The following ERMP1 variants were observed in gnomAD, a reference collection of about 807,000 sequenced individuals.
ERMP1 encodes the protein endoplasmic reticulum metallopeptidase 1, also known as Felix-ina.
In ERMP1, 86 loss-of-function variants were observed where a neutral mutation model predicts 92.0. The ratio of observed to expected loss-of-function variants is 0.93; its 90% CI spans 0.79 to 1.12. ERMP1 has a LOEUF of 1.12. Ranked by LOEUF, ERMP1 falls within the 50% of genes most tolerant of loss-of-function variation. The pLI is 0.00. For missense variants in ERMP1, 1,342 were observed against 1,116.3 expected, an observed-to-expected ratio of 1.20 and a Z score of -2.88; for synonymous variants, 530 against 412.8, an observed-to-expected ratio of 1.28 and a Z score of -3.44.
Position 5,787,522 on chromosome 9 carries a change from C to T in ERMP1, c.2458G>A (p.Gly820Ser). ...CCTCCTTTACTTGTGACTGGGGTGC[C>T]ATTGCCAAGAGACCACTGAGAAAGT... ...STLSQWSLGN[G>S]TPVTSKGGDY... Residue 820 changes from glycine (G) to serine (S), a missense_variant, in exon 14 of 15, where the codon GGC (glycine) becomes AGC (serine). Physicochemically the swap from Gly to Ser is moderately conservative, Grantham distance 56 (BLOSUM62 0). Transcript: ENST00000339450. 1 of 1,614,026 alleles carries T rather than the reference C, an allele frequency of 6.2e-7. No homozygotes were observed.
intron 6 of ERMP1, among the ~76,000 whole-genome samples, chr9:5,849,655 C>T (rs565261498): frequency 6.6e-6 from 1 of 152,174 alleles, no homozygotes; most frequent in Non-Finnish European, 1.5e-5. Flanking sequence ...AATAAGTTGT[C>T]CTGTGATTCT....
At chr9:5,820,286 G>C (rs982016265) in intron 4 of ERMP1, among the ~76,000 whole-genome samples, 10 of 152,134 alleles carry the variant, frequency 6.6e-5, no homozygotes, top group Admixed American at 2.0e-4. Flanking sequence ...GCGACAGAGC[G>C]AGACTCCACC....
chr9:5,811,302 A>G lies in ERMP1; in HGVS notation c.1136T>C (p.Leu379Pro). 6.2e-7 allele frequency: 1 copy of G among 1,613,356 alleles called. No individual in the cohort carries two copies. Among genetic ancestry groups the G allele is most frequent in the Non-Finnish European group, 8.5e-7 (1 of 1,179,598 alleles). The change falls in exon 7 of 15, where the codon CTT (leucine) becomes CCT (proline). Residue 379 changes from leucine (L) to proline (P), a missense_variant. Physicochemically the swap from Leu to Pro is moderately conservative, Grantham distance 98. Coordinates refer to ENST00000339450, the MANE Select transcript of ERMP1 (RefSeq NM_024896.3). ...CATATCAGATGTAGCTAGATGCTTA[A>G]GAACTGCTAAAATGTTGTCACCTAT... is the stretch of plus-strand genomic sequence containing the variant. ...QRAGDNILAV[L>P]KHLATSDMLA...
chr9:5,809,962 A>G (rs751766542), intron 8 of ERMP1, 49 bp downstream of exon 8: 20 of 1,280,358 alleles, frequency 1.6e-5, no homozygotes, highest in Admixed American at 1.7e-5. Context: ...GTTCATCTTC[A>G]GTCCCTGGAG....
At chr9:5,801,071 A>G (rs10815283) in intron 11 of ERMP1, 105 bp downstream of exon 11, 401,229 of 1,190,376 alleles carry the variant, frequency 0.34, 74,863 homozygotes, top group East Asian at 0.77. Context: ...ATGACTAAAT[A>G]GGTCAACAGC....
intron 6 of ERMP1, among the ~76,000 whole-genome samples, chr9:5,846,373 T>C (rs372265438): frequency 3.3e-4 from 50 of 152,284 alleles, no homozygotes; most frequent in African/African-American, 1.1e-3. Flanking sequence ...CTGTGTGACC[T>C]TAAGGAAGTC....
rs1827870035 is a variant in ERMP1 at position 5,784,802 on chromosome 9, CA to C, written c.*2341del. On this transcript the variant is annotated 3_prime_UTR_variant, in exon 15 of 15. Transcript: ENST00000339450. Reference sequence around the variant, plus strand: ...GCGACAATCATTCTTAGGTCAAACACAAGAACGAACTATTTTGAAATCAATT... The same window carrying C: ...GCGACAATCATTCTTAGGTCAAACACAGAACGAACTATTTTGAAATCAATT... 1 of 148,864 alleles carries C rather than the reference CA, an allele frequency of 6.7e-6. No individual in the cohort carries two copies. Among genetic ancestry groups the C allele is most frequent in the Non-Finnish European group, 1.5e-5 (1 of 67,740 alleles). 9.2% of individuals were successfully genotyped at this position (148,864 alleles called of 1,614,324 possible). A position where few individuals can be genotyped will look rare whatever the true frequency, so the allele number is the denominator to read the frequency against.
At chr9:5,799,709 C>G (rs1402193713) in intron 11 of ERMP1, among the ~76,000 whole-genome samples, 1 of 152,160 alleles carries the variant, frequency 6.6e-6, no homozygotes, top group African/African-American at 2.4e-5. Context: ...GCTGACAAAG[C>G]CCAAAATATT....
At chr9:5,844,127 A>G (rs1304140344) in intron 6 of ERMP1, among the ~76,000 whole-genome samples, 1 of 152,158 alleles carries the variant, frequency 6.6e-6, no homozygotes, top group East Asian at 1.9e-4. Flanking sequence ...TCCTCTTAAA[A>G]TTAGACACCC....
intron 6 of ERMP1, among the ~76,000 whole-genome samples, chr9:5,857,930 G>A (rs1364270454): frequency 6.6e-6 from 1 of 152,220 alleles, no homozygotes; most frequent in African/African-American, 2.4e-5. Flanking sequence ...AGAAAGAAGA[G>A]CTGATAGTCA....
At chr9:5,831,180 T>A (rs890810297) in intron 1 of ERMP1, 152 bp from the exon 2 acceptor site, 1 of 616,030 alleles carries the variant, frequency 1.6e-6, no homozygotes, top group Admixed American at 3.0e-5. Context: ...AGACACCAAG[T>A]GAACATCACT....
chr9:5,835,219 G>C (rs1281363342), upstream of ERMP1, among the ~76,000 whole-genome samples: 2 of 152,080 alleles, frequency 1.3e-5, no homozygotes, highest in African/African-American at 2.4e-5. Context: ...CGGTATTCAC[G>C]TTTGAATATT....
chr9:5,811,831 C>T (rs542483813), intron 6 of ERMP1, among the ~76,000 whole-genome samples: 2 of 152,290 alleles, frequency 1.3e-5, no homozygotes, highest in South Asian at 2.1e-4. Flanking sequence ...AGCAGAGTTC[C>T]ACAGGAAAAC....
Position 5,807,995 on chromosome 9 carries a change from A to T in ERMP1, c.1548+2016T>A, listed in dbSNP as rs181453825. Among the ~76,000 whole-genome samples the T allele has an allele frequency of 7.8e-4, 118 of 151,702 alleles. 3 individuals are homozygous for T. The East Asian group carries it at 0.013, about 17-fold the overall frequency. Reference sequence around the variant, plus strand: ...TATGGCATCATTCTTGTTTTTTTTAAAAAAAAATAATAGAGATGTGGTCTC... The same window carrying T: ...TATGGCATCATTCTTGTTTTTTTTATAAAAAAATAATAGAGATGTGGTCTC... On this transcript the variant is annotated intron_variant, in intron 8 of 14. Transcript: ENST00000339450.
At chr9:5,798,065 C>A in intron 12 of ERMP1, 133 bp from the exon 13 acceptor site, 1 of 664,544 alleles carries the variant, frequency 1.5e-6, no homozygotes, top group African/African-American at 1.8e-5. Context: ...TAAGCAATGC[C>A]AACTCCAACA....
intron 4 of ERMP1, among the ~76,000 whole-genome samples, chr9:5,813,664 T>G (rs1030682275): frequency 1.3e-5 from 2 of 151,954 alleles, no homozygotes; most frequent in Non-Finnish European, 2.9e-5. Context: ...ATTTTCAGAT[T>G]AGGGATGCTC....
rs1247857155 is a variant in ERMP1, at chr9:5,786,811, G to A, written c.*333C>T. Reference sequence around the variant, plus strand: ...GTCTCATTAACAATGCTCTGACAGTGTACATCTTTCTTGATCCTAAAGGGG... The same window carrying A: ...GTCTCATTAACAATGCTCTGACAGTATACATCTTTCTTGATCCTAAAGGGG... On this transcript the variant is annotated 3_prime_UTR_variant, in exon 15 of 15. Coordinates refer to ENST00000339450, the MANE Select transcript of ERMP1 (RefSeq NM_024896.3). 5.2e-6 allele frequency: 1 copy of A among 193,662 alleles called. No individual in the cohort carries two copies. The highest frequency in any genetic ancestry group is 2.3e-5 in the African/African-American group (1 of 42,642). 12.0% of individuals were successfully genotyped at this position (193,662 alleles called of 1,614,324 possible).
rs75005881 is a variant in ERMP1 at position 5,804,326 on chromosome 9, T to G, written c.1914+701A>C. On this transcript the variant is annotated intron_variant, in intron 10 of 14. Transcript: ENST00000339450. ...AAGCAAAACCTTGCTTGGGGCTTAC[T>G]CTGCTCAAGGGGGGTCTGGTCTTAA... Among the ~76,000 whole-genome samples, 1,046 of 152,220 alleles carry G rather than the reference T, an allele frequency of 6.9e-3. 18 individuals carry two copies. The highest frequency in any genetic ancestry group is 0.024 in the African/African-American group (1,010 of 41,514).
intron 5 of ERMP1, among the ~76,000 whole-genome samples, chr9:5,861,130 C>T (rs1446119609): frequency 6.7e-6 from 1 of 149,242 alleles, no homozygotes. Context: ...CAAAATGTTT[C>T]TGCATTTCTG....
Sources: allele counts gnomAD v4.1 joint callset (sites outside exome capture counted in the v4.1 genomes callset), GRCh38; gene constraint gnomAD v4.1.1; transcripts MANE v1.5; gene names NCBI Gene and HGNC (gene_info 2026-07-23, HGNC 2026-07-21).